ELF2: variants seen among roughly 807,000 people sequenced by gnomAD.
The protein encoded by ELF2 is E74 like ETS transcription factor 2.
ELF2 carries 11 observed loss-of-function variants against 54.8 expected under a neutral mutation model. The ratio of observed to expected loss-of-function variants is 0.20; its 90% confidence interval spans 0.13 to 0.33. The LOEUF (loss-of-function observed/expected upper bound fraction) is 0.33. ELF2 is among the 10% of genes least tolerant of loss of function. The pLI is 1.00. For missense variants in ELF2, 513 were observed against 703.0 expected (o/e 0.73, Z 3.06); for synonymous variants, 203 against 245.1 (o/e 0.83, Z 1.61).
chr4:139,064,201 G>A lies in ELF2; in HGVS notation c.614-2144C>T, dbSNP rs544999621. On this transcript the variant is annotated intron_variant, in intron 7 of 9. Transcript: ENST00000686138. ...CGGGTGCCTGTAATCCCAGCTACTC[G>A]CAAGGCAGAGGCAGGAGAATCCCTT... Among the ~76,000 whole-genome samples the A allele has an allele frequency of 5.3e-5, 8 of 152,262 alleles. No homozygotes were observed. In the East Asian group the frequency reaches 5.8e-4, roughly 11 times the overall value.
intron 1 of ELF2, among the ~76,000 whole-genome samples, chr4:139,140,655 G>C (rs756566391): frequency 6.6e-6 from 1 of 151,976 alleles, no homozygotes; most frequent in Non-Finnish European, 1.5e-5. Flanking sequence ...TTGGTAGGCT[G>C]AGGTGGGAGG....
chr4:139,104,996 T>G (rs949158456), intron 4 of ELF2, among the ~76,000 whole-genome samples: 1 of 152,230 alleles, frequency 6.6e-6, no homozygotes, highest in Non-Finnish European at 1.5e-5. Flanking sequence ...AGAAAGCATG[T>G]GTTATTCAAC....
Position 139,141,326 on chromosome 4 carries a change from C to G in ELF2, c.-251-1829G>C, listed in dbSNP as rs150670342. 6.3e-3 allele frequency among the ~76,000 whole-genome samples: 962 copies of G among 152,300 alleles called. 12 individuals are homozygous for G. The highest frequency in any genetic ancestry group is 0.022 in the African/African-American group (927 of 41,564). On this transcript the variant is annotated intron_variant, in intron 1 of 9. Coordinates refer to ENST00000686138, the MANE Select transcript of ELF2 (RefSeq NM_001331036.3). ...GGACATAGGAAGGAAAATCCATACC[C>G]CTTCCCCTTGTCTGCAGCCAACTCC...
intron 1 of ELF2, among the ~76,000 whole-genome samples, chr4:139,170,424 C>G (rs1416084551): frequency 1.3e-5 from 2 of 151,512 alleles, no homozygotes; most frequent in Non-Finnish European, 2.9e-5. Context: ...CCACCACACC[C>G]GGCTAATTTT....
intron 4 of ELF2, among the ~76,000 whole-genome samples, chr4:139,114,638 CTTTCTTTTTTT>C (rs1212822737): frequency 1.8e-5 from 1 of 56,144 alleles, no homozygotes; most frequent in Non-Finnish European, 3.2e-5. Flanking sequence ...TTTTTTTTTT[CTTTCTTTTTTT>C]TTTTTTTTTT....
Position 139,121,177 on chromosome 4 carries a change from C to T in ELF2, c.238+3987G>A, listed in dbSNP as rs575151682. 4.1e-3 allele frequency among the ~76,000 whole-genome samples: 541 copies of T among 132,490 alleles called. 4 individuals are homozygous for T. Among genetic ancestry groups the T allele is most frequent in the African/African-American group, 0.015 (517 of 34,720 alleles). 86.9% of individuals were successfully genotyped at this position (132,490 alleles called of 152,430 possible). ...AGGCTGGAGTGCAGTGGCGCGATCT[C>T]GGCTCACTGCAAGCTCCGCCTCCCG... On this transcript the variant is annotated intron_variant, in intron 4 of 9. Coordinates refer to ENST00000686138, the MANE Select transcript of ELF2 (RefSeq NM_001331036.3).
chr4:139,173,412 CAGAT>C (rs1302173184), intron 1 of ELF2, among the ~76,000 whole-genome samples: 8 of 152,082 alleles, frequency 5.3e-5, no homozygotes, highest in African/African-American at 7.2e-5. Context: ...AACTGATGCA[CAGAT>C]AAATAAAATG....
intron 3 of ELF2, among the ~76,000 whole-genome samples, chr4:139,136,556 T>G (rs1207338997): frequency 6.6e-6 from 1 of 152,196 alleles, no homozygotes; most frequent in Non-Finnish European, 1.5e-5. Context: ...AAAACAGATT[T>G]TTTTTTAATA....
chr4:139,136,853 G>A (rs1279323147), intron 3 of ELF2: 1 of 152,090 alleles, frequency 6.6e-6, no homozygotes, highest in Non-Finnish European at 1.5e-5. Flanking sequence ...TTTTAGTAGA[G>A]GCAGGGTTTC....
At chr4:139,096,283 G>A (rs944498708) in intron 4 of ELF2, among the ~76,000 whole-genome samples, 1 of 152,070 alleles carries the variant, frequency 6.6e-6, no homozygotes, top group African/African-American at 2.4e-5. Context: ...TATATGACAA[G>A]CATTATGTAT....
At chr4:139,148,655 CTTTT>C (rs796233512) in intron 1 of ELF2, among the ~76,000 whole-genome samples, 2 of 145,598 alleles carry the variant, frequency 1.4e-5, no homozygotes, top group African/African-American at 5.0e-5. Context: ...GATGTTTCTA[CTTTT>C]TTTTTTTTAC....
chr4:139,064,095 G>C (rs1728299805), intron 7 of ELF2, among the ~76,000 whole-genome samples: 1 of 152,144 alleles, frequency 6.6e-6, no homozygotes. Flanking sequence ...GATCACCTGA[G>C]GTCAGGAGTT....
Position 139,169,684 on chromosome 4 carries a change from T to C in ELF2, c.-252+7283A>G, listed in dbSNP as rs6841304. Among the ~76,000 whole-genome samples the C allele has an allele frequency of 8.2e-3, 1,248 of 151,894 alleles. 21 individuals are homozygous for C. Among genetic ancestry groups the C allele is most frequent in the African/African-American group, 0.029 (1,184 of 41,426 alleles). On this transcript the variant is annotated intron_variant, in intron 1 of 9. Transcript: ENST00000686138. ...CATCCTGGCTAACACGGTGAAACCC[T>C]GTCTCTACTAAAAATACAAAAAATT...
At chr4:139,135,270 T>A (rs968020600) in intron 3 of ELF2, among the ~76,000 whole-genome samples, 1 of 146,928 alleles carries the variant, frequency 6.8e-6, no homozygotes, top group African/African-American at 2.6e-5. Flanking sequence ...TGTGTGTGTG[T>A]GTGTGTGTGT....
At chr4:139,174,972 G>A (rs961017619) in intron 1 of ELF2, among the ~76,000 whole-genome samples, 5 of 152,142 alleles carry the variant, frequency 3.3e-5, no homozygotes, top group Non-Finnish European at 5.9e-5. Flanking sequence ...GGTGTCTGAG[G>A]AAGGCCCTAG....
chr4:139,062,484 A>T (rs1286366985), intron 7 of ELF2, among the ~76,000 whole-genome samples: 1 of 152,058 alleles, frequency 6.6e-6, no homozygotes, highest in Admixed American at 6.6e-5. Flanking sequence ...TTCTACTTTT[A>T]AAAAAATGGT....
intron 1 of ELF2, among the ~76,000 whole-genome samples, chr4:139,152,891 CTTTTTTT>C (rs34208004): frequency 9.6e-6 from 1 of 104,044 alleles, no homozygotes; most frequent in South Asian, 3.2e-4. Flanking sequence ...TAGTGTCATA[CTTTTTTT>C]TTTTTTTTTT....
intron 7 of ELF2, among the ~76,000 whole-genome samples, chr4:139,064,998 A>G (rs1728475969): frequency 6.6e-6 from 1 of 152,176 alleles, no homozygotes; most frequent in South Asian, 2.1e-4. Flanking sequence ...ATTAAAACAA[A>G]CCATGTATAA....
intron 1 of ELF2, among the ~76,000 whole-genome samples, chr4:139,149,908 A>G (rs1339609965): frequency 6.6e-6 from 1 of 152,224 alleles, no homozygotes; most frequent in East Asian, 1.9e-4. Context: ...TAAACAATCT[A>G]TGTGGGTCAG....
Sources: gnomAD v4.1 joint callset for allele counts (sites outside exome capture counted in the v4.1 genomes callset) on GRCh38, gnomAD v4.1.1 for gene constraint, MANE v1.5 for transcripts, NCBI Gene and HGNC (gene_info 2026-07-23, HGNC 2026-07-21) for gene names.